Variants in FHAD1 observed in about 807,000 individuals in gnomAD.
The protein encoded by FHAD1 is forkhead-associated domain-containing protein 1.
A neutral mutation model predicts 191.3 loss-of-function variants in FHAD1; 146 were observed. The ratio of observed to expected loss-of-function variants is 0.76; its 90% CI spans 0.67 to 0.88. The LOEUF is 0.88. Among genes scored for constraint, FHAD1 ranks in the 40% least tolerant of loss-of-function variants. The pLI is 0.00. For missense variants in FHAD1, 1,635 were observed against 1,785.8 expected (o/e 0.92, Z 1.52); for synonymous variants, 616 against 672.3 (o/e 0.92, Z 1.29).
intron 23 of FHAD1, chr1:15,364,129 G>A (rs1259828548): frequency 1.4e-5 from 3 of 217,262 alleles, no homozygotes; most frequent in African/African-American, 7.0e-5. Context: ...TTATCCTCAA[G>A]TTGGAAGATT....
chr1:15,322,205 A>G (rs1275885689), intron 10 of FHAD1, among the ~76,000 whole-genome samples: 2 of 152,092 alleles, frequency 1.3e-5, no homozygotes, highest in South Asian at 2.1e-4. Context: ...GCTGTGTACT[A>G]CCTAGGCAGT....
At chr1:15,359,833 C>A (rs1321984118) in intron 21 of FHAD1, among the ~76,000 whole-genome samples, 3 of 152,118 alleles carry the variant, frequency 2.0e-5, no homozygotes, top group African/African-American at 7.2e-5. Flanking sequence ...GCCTGTAGTC[C>A]CAGCTACTCA....
chr1:15,300,324 A>AT (rs1668349696), intron 5 of FHAD1, among the ~76,000 whole-genome samples: 1 of 152,192 alleles, frequency 6.6e-6, no homozygotes, highest in South Asian at 2.1e-4. Flanking sequence ...ACAAGAGCCT[A>AT]TATACATAAA....
At chr1:15,357,932 AG>A (rs1386306521) in intron 20 of FHAD1, 177 bp from the exon 21 acceptor site, 2 of 539,554 alleles carry the variant, frequency 3.7e-6, no homozygotes, top group Non-Finnish European at 3.2e-6. Context: ...CTGAATATAA[AG>A]ACGAGTTCTA....
At chr1:15,297,768 G>A (rs1667415022) in intron 5 of FHAD1, among the ~76,000 whole-genome samples, 2 of 152,250 alleles carry the variant, frequency 1.3e-5, no homozygotes, top group East Asian at 1.9e-4. Context: ...CCCATGTCTG[G>A]GACCTCGGTT....
At chr1:15,401,966 T>C (rs1707138179), downstream of FHAD1, among the ~76,000 whole-genome samples, 1 of 152,248 alleles carries the variant, frequency 6.6e-6, no homozygotes, top group African/African-American at 2.4e-5. Flanking sequence ...CCAGGAATCC[T>C]TTTGCAATGC....
chr1:15,361,955 G>T (rs1558230581), intron 22 of FHAD1, among the ~76,000 whole-genome samples: 1 of 150,994 alleles, frequency 6.6e-6, no homozygotes, highest in Non-Finnish European at 1.5e-5. Context: ...AGTGAGCCGA[G>T]ATCGCGCCAT....
chr1:15,314,152 T>C (rs542969898), intron 8 of FHAD1, among the ~76,000 whole-genome samples: 7 of 151,960 alleles, frequency 4.6e-5, no homozygotes, highest in Non-Finnish European at 1.0e-4. Context: ...CCTGAACCTA[T>C]AGGATTTCTC....
upstream of FHAD1, among the ~76,000 whole-genome samples, chr1:15,242,580 C>G (rs998903253): frequency 1.3e-5 from 2 of 152,190 alleles, no homozygotes; most frequent in African/African-American, 4.8e-5. Context: ...ATAGAGACTG[C>G]TGGGTTCCCA....
chr1:15,286,754 A>G (rs948522119), intron 3 of FHAD1, among the ~76,000 whole-genome samples: 2 of 152,226 alleles, frequency 1.3e-5, no homozygotes, highest in African/African-American at 4.8e-5. Flanking sequence ...CACAATCTCC[A>G]AAAGATGCTG....
chr1:15,355,161 G>A lies in FHAD1; in HGVS notation c.2562+2177G>A, dbSNP rs1266737773. On this transcript the variant is annotated intron_variant, in intron 20 of 33. Coordinates refer to ENST00000688493, the MANE Select transcript of FHAD1 (RefSeq NM_001391957.1). ...GAGGCAGAGGTTGCAATGAGTCAAG[G>A]TCATGCCATTGCACTCCAGCCTGGG... Among the ~76,000 whole-genome samples the A allele has an allele frequency of 4.6e-5, 7 of 150,980 alleles. No homozygotes were observed. The South Asian group carries it at 1.5e-3, about 32-fold the overall frequency.
At chr1:15,388,815 G>A (rs976571524) in intron 32 of FHAD1, among the ~76,000 whole-genome samples, 1 of 152,164 alleles carries the variant, frequency 6.6e-6, no homozygotes, top group African/African-American at 2.4e-5. Flanking sequence ...TCCCCCTAGA[G>A]GGGACGGTGT....
chr1:15,268,310 A>G (rs1171223312), intron 2 of FHAD1, among the ~76,000 whole-genome samples: 2 of 151,886 alleles, frequency 1.3e-5, no homozygotes, highest in African/African-American at 4.8e-5. Context: ...CCATGTCCCT[A>G]CAAAGGACAT....
At chr1:15,266,177 A>G (rs956788922) in intron 2 of FHAD1, among the ~76,000 whole-genome samples, 6 of 151,942 alleles carry the variant, frequency 3.9e-5, no homozygotes, top group Admixed American at 1.3e-4. Flanking sequence ...TGGTGCCATC[A>G]TGACTCACTG....
chr1:15,391,517 A>G (rs1704044727), intron 33 of FHAD1, among the ~76,000 whole-genome samples: 1 of 152,158 alleles, frequency 6.6e-6, no homozygotes, highest in Non-Finnish European at 1.5e-5. Context: ...AATCAAGTCT[A>G]TAAAATCTTA....
intron 2 of FHAD1, among the ~76,000 whole-genome samples, chr1:15,253,053 G>A (rs1323041990): frequency 2.6e-5 from 4 of 151,886 alleles, no homozygotes; most frequent in African/African-American, 9.7e-5. Flanking sequence ...AAAATAGTAG[G>A]TAGAGATCAC....
rs776679596 is a variant in FHAD1 at position 15,374,621 on chromosome 1, G to T, written c.3567G>T (p.Ala1189=). 5 of 1,551,212 alleles carry T rather than the reference G, an allele frequency of 3.2e-6. No homozygotes were observed. The highest frequency in any genetic ancestry group is 1.2e-5 in the South Asian group (1 of 84,048). The change falls in exon 27 of 34, where the codon GCG becomes GCT. Residue 1189 remains alanine, a synonymous_variant. Transcript: ENST00000688493. ...LRARIKELEK[A]RSPDHKDHQN... ...CGCGAATTAAAGAACTCGAGAAGGC[G>T]CGCTCACCAGGTAAGTCTCCTCCTT... is the stretch of plus-strand genomic sequence containing the variant.
At chr1:15,237,399 C>A (rs1486633431) in intron 1 of FHAD1, among the ~76,000 whole-genome samples, 1 of 152,152 alleles carries the variant, frequency 6.6e-6, no homozygotes, top group Non-Finnish European at 1.5e-5. Flanking sequence ...TCCTGCAATG[C>A]CTTTCTCTTC....
At chr1:15,324,336 G>A in intron 10 of FHAD1, 116 bp from the exon 11 acceptor site, 11 of 791,562 alleles carry the variant, frequency 1.4e-5, no homozygotes, top group Non-Finnish European at 2.4e-5. Context: ...CACATGGGCT[G>A]CAGCTGTGCC....
Sources: allele counts gnomAD v4.1 joint callset (sites outside exome capture counted in the v4.1 genomes callset), GRCh38; gene constraint gnomAD v4.1.1; transcripts MANE v1.5; gene names NCBI Gene and HGNC (gene_info 2026-07-23, HGNC 2026-07-21).